The following MAML2 variants were observed in gnomAD, a reference collection of about 807,000 sequenced individuals.
The protein encoded by MAML2 is mastermind-like protein 2.
MAML2 carries 22 observed loss-of-function variants against 96.1 expected under a neutral mutation model. The observed-to-expected ratio is 0.23, with a 90% confidence interval of 0.16 to 0.33. The LOEUF is 0.33. MAML2 is among the 10% of genes least tolerant of loss of function. The pLI, the probability that MAML2 is intolerant of heterozygous loss-of-function variation, is 1.00. For missense variants in MAML2, 1,367 were observed against 1,392.4 expected (o/e 0.98, Z 0.29); for synonymous variants, 561 against 521.3 (o/e 1.08, Z -1.04).
intron 2 of MAML2, among the ~76,000 whole-genome samples, chr11:96,057,468 G>A (rs2135774491): frequency 6.6e-6 from 1 of 152,228 alleles, no homozygotes; most frequent in Non-Finnish European, 1.5e-5. Flanking sequence ...AACAACCTCA[G>A]AGTGTCGAGT....
At chr11:96,284,621 T>C (rs764566461) in intron 1 of MAML2, among the ~76,000 whole-genome samples, 7 of 152,220 alleles carry the variant, frequency 4.6e-5, no homozygotes, top group Non-Finnish European at 1.0e-4. Context: ...TGACACCATT[T>C]GGTTTGGCTT....
At chr11:96,210,830 T>C (rs951283250) in intron 1 of MAML2, among the ~76,000 whole-genome samples, 1 of 152,220 alleles carries the variant, frequency 6.6e-6, no homozygotes, top group African/African-American at 2.4e-5. Context: ...AACCAATATA[T>C]AGATATATTG....
chr11:96,182,866 GT>G (rs951014951), intron 1 of MAML2, among the ~76,000 whole-genome samples: 4 of 150,392 alleles, frequency 2.7e-5, no homozygotes, highest in Non-Finnish European at 4.4e-5. Context: ...GAGGAACAGA[GT>G]TTTTTTTTGT....
chr11:96,318,249 T>A (rs1418019130), intron 1 of MAML2, among the ~76,000 whole-genome samples: 1 of 152,214 alleles, frequency 6.6e-6, no homozygotes, highest in Non-Finnish European at 1.5e-5. Flanking sequence ...ATTATCACCA[T>A]TTTAGAGATG....
At chr11:96,339,808 C>T (rs1336008736) in intron 1 of MAML2, among the ~76,000 whole-genome samples, 1 of 152,206 alleles carries the variant, frequency 6.6e-6, no homozygotes, top group Non-Finnish European at 1.5e-5. Flanking sequence ...TACCCCCCTC[C>T]TTTACCCTAA....
At chr11:96,323,936 C>T (rs979746181) in intron 1 of MAML2, among the ~76,000 whole-genome samples, 1 of 152,238 alleles carries the variant, frequency 6.6e-6, no homozygotes, top group Non-Finnish European at 1.5e-5. Flanking sequence ...CACTTTCTAC[C>T]TCTTAGAAAA....
intron 2 of MAML2, among the ~76,000 whole-genome samples, chr11:96,051,112 G>A (rs1169832120): frequency 6.6e-6 from 1 of 152,166 alleles, no homozygotes; most frequent in East Asian, 1.9e-4. Context: ...TGAAAACAAG[G>A]AGGTCTTCTG....
At chr11:95,993,459 T>A (rs373994750) in intron 2 of MAML2, among the ~76,000 whole-genome samples, 1 of 152,080 alleles carries the variant, frequency 6.6e-6, no homozygotes, top group African/African-American at 2.4e-5. Flanking sequence ...CCCAATTACT[T>A]ACTCAGGAGG....
intron 2 of MAML2, among the ~76,000 whole-genome samples, chr11:96,088,861 T>A (rs952250945): frequency 6.6e-6 from 1 of 152,196 alleles, no homozygotes; most frequent in Non-Finnish European, 1.5e-5. Context: ...AATATGGATC[T>A]GTCTGGGTTC....
At chr11:96,161,243 G>A (rs534279896) in intron 1 of MAML2, among the ~76,000 whole-genome samples, 5 of 152,136 alleles carry the variant, frequency 3.3e-5, no homozygotes, top group Non-Finnish European at 5.9e-5. Context: ...TGGTGGGGAA[G>A]GCAAGGGAAT....
intron 2 of MAML2, among the ~76,000 whole-genome samples, chr11:96,034,456 A>AGAGAGAGAGTGTGT (rs766634690): frequency 1.8e-4 from 26 of 144,734 alleles, no homozygotes; most frequent in African/African-American, 6.3e-4. Flanking sequence ...AGAGAGAGAG[A>AGAGAGAGAGTGTGT]GTGTGTGTGT....
intron 1 of MAML2, among the ~76,000 whole-genome samples, chr11:96,148,902 G>A (rs1189879510): frequency 1.3e-5 from 2 of 152,222 alleles, no homozygotes; most frequent in East Asian, 3.8e-4. Context: ...CAGGAAGCTA[G>A]AAAGGCGTAA....
chr11:96,303,155 T>C (rs1229842275), intron 1 of MAML2, among the ~76,000 whole-genome samples: 1 of 152,196 alleles, frequency 6.6e-6, no homozygotes. Flanking sequence ...CATGTAGTTT[T>C]AATATTCTGC....
chr11:96,228,250 G>C (rs576017877), intron 1 of MAML2, among the ~76,000 whole-genome samples: 1 of 152,208 alleles, frequency 6.6e-6, no homozygotes, highest in South Asian at 2.1e-4. Flanking sequence ...ACTCCCCATG[G>C]CATCAGCTAA....
intron 2 of MAML2, among the ~76,000 whole-genome samples, chr11:96,083,070 T>G (rs1859552800): frequency 6.6e-6 from 1 of 152,220 alleles, no homozygotes; most frequent in Non-Finnish European, 1.5e-5. Flanking sequence ...AATGTTGGCC[T>G]CTGAGAAGTG....
At chr11:96,128,322 A>G (rs1437749613) in intron 1 of MAML2, among the ~76,000 whole-genome samples, 1 of 152,080 alleles carries the variant, frequency 6.6e-6, no homozygotes, top group Non-Finnish European at 1.5e-5. Flanking sequence ...TGAACCTGGA[A>G]GGCGGAGGTT....
intron 1 of MAML2, among the ~76,000 whole-genome samples, chr11:96,286,451 C>T (rs757272187): frequency 1.3e-5 from 2 of 152,126 alleles, no homozygotes; most frequent in African/African-American, 2.4e-5. Context: ...CAAACTTGCA[C>T]ATTCTGCACA....
intron 1 of MAML2, among the ~76,000 whole-genome samples, chr11:96,222,786 G>C (rs1862159042): frequency 6.6e-6 from 1 of 152,096 alleles, no homozygotes. Context: ...TAGTGTGCTA[G>C]GGATTCTTTG....
intron 1 of MAML2, among the ~76,000 whole-genome samples, chr11:96,319,216 A>G (rs996767352): frequency 6.6e-6 from 1 of 152,162 alleles, no homozygotes; most frequent in African/African-American, 2.4e-5. Flanking sequence ...CCCAACAGCC[A>G]TGGGAGTGAA....
Sources: gnomAD v4.1 joint callset for allele counts (sites outside exome capture counted in the v4.1 genomes callset) on GRCh38, gnomAD v4.1.1 for gene constraint, MANE v1.5 for transcripts, NCBI Gene and HGNC (gene_info 2026-07-23, HGNC 2026-07-21) for gene names.